GABRB1: variants seen among roughly 807,000 people sequenced by gnomAD.
GABRB1 encodes gamma-aminobutyric acid receptor subunit beta-1.
Under a neutral mutation model 51.6 loss-of-function variants are expected in GABRB1, and 17 were observed. The ratio of observed to expected loss-of-function variants is 0.33; its 90% CI spans 0.23 to 0.49. The LOEUF (loss-of-function observed/expected upper bound fraction) is 0.49. Ranked by LOEUF, GABRB1 falls within the 20% of genes least tolerant of loss-of-function variation. The probability of loss-of-function intolerance (pLI) is 0.99; values close to 1 mark genes in which losing one functional copy is unlikely to be tolerated. For missense variants in GABRB1, 410 were observed against 600.6 expected, an observed-to-expected ratio of 0.68 and a Z score of 3.32; for synonymous variants, 247 against 218.9, an observed-to-expected ratio of 1.13 and a Z score of -1.14.
intron 4 of GABRB1, among the ~76,000 whole-genome samples, chr4:47,300,143 T>C (rs778983185): frequency 6.7e-6 from 1 of 149,774 alleles, no homozygotes; most frequent in African/African-American, 2.4e-5. Flanking sequence ...TAAGGCTAAA[T>C]GACAAGTTAA....
intron 4 of GABRB1, among the ~76,000 whole-genome samples, chr4:47,317,561 A>T (rs1329817613): frequency 2.0e-5 from 3 of 151,984 alleles, no homozygotes; most frequent in Non-Finnish European, 4.4e-5. Flanking sequence ...AGTGTTTTGT[A>T]AAACATTTTG....
intron 3 of GABRB1, among the ~76,000 whole-genome samples, chr4:47,113,910 A>T (rs1561777): frequency 0.89 from 135,883 of 152,190 alleles, 60,759 homozygotes; most frequent in South Asian, 0.93. Flanking sequence ...TAGAGTGTCC[A>T]GATACCACCT....
chr4:47,187,541 A>G (rs1220341853), intron 4 of GABRB1, among the ~76,000 whole-genome samples: 1 of 151,862 alleles, frequency 6.6e-6, no homozygotes, highest in Non-Finnish European at 1.5e-5. Flanking sequence ...GCACCTTCAC[A>G]TTTCACAAAC....
At chr4:47,343,906 C>T (rs545546740) in intron 5 of GABRB1, among the ~76,000 whole-genome samples, 1 of 152,314 alleles carries the variant, frequency 6.6e-6, no homozygotes, top group South Asian at 2.1e-4. Flanking sequence ...CAGAGTTACA[C>T]ATCTAGTTAA....
intron 4 of GABRB1, among the ~76,000 whole-genome samples, chr4:47,165,216 G>A (rs1718127389): frequency 6.6e-6 from 1 of 151,988 alleles, no homozygotes; most frequent in Non-Finnish European, 1.5e-5. Context: ...ACTTGGAGGA[G>A]GATTTTTCTC....
At chr4:47,407,925 C>T (rs989401565) in intron 8 of GABRB1, among the ~76,000 whole-genome samples, 4 of 152,096 alleles carry the variant, frequency 2.6e-5, no homozygotes, top group Non-Finnish European at 5.9e-5. Flanking sequence ...AACCTCATCT[C>T]TACAAAAAAT....
chr4:47,277,236 A>T (rs568449980), intron 4 of GABRB1, among the ~76,000 whole-genome samples: 1 of 152,246 alleles, frequency 6.6e-6, no homozygotes, highest in Admixed American at 6.5e-5. Context: ...GGAGATTATT[A>T]TGTTAAGTTA....
rs377492047 is a variant in GABRB1 at position 47,425,780 on chromosome 4, C to T, written c.1187C>T (p.Ser396Phe). ...AGCGACCCCAAGGCCACCATGTACTCCTATGACAGCGCCAGCATCCAGTAC... is the reference window on the plus strand; with the variant it reads ...AGCGACCCCAAGGCCACCATGTACTTCTATGACAGCGCCAGCATCCAGTAC... ...SVSDPKATMY[S>F]YDSASIQYRK... Residue 396 changes from serine to phenylalanine, a missense_variant, in exon 9 of 9, where the codon TCC (serine) becomes TTC (phenylalanine). This residue lies in a region of GABRB1 where 181 missense variants were observed against 195.6 expected (regional missense o/e 0.93). Transcript: ENST00000295454. 42 of 1,614,090 alleles carry T rather than the reference C, an allele frequency of 2.6e-5. No homozygotes were observed. Among genetic ancestry groups the T allele is most frequent in the Non-Finnish European group, 3.6e-5 (42 of 1,180,036 alleles).
intron 3 of GABRB1, among the ~76,000 whole-genome samples, chr4:47,051,352 A>G (rs1726341242): frequency 6.6e-6 from 1 of 152,214 alleles, no homozygotes; most frequent in Non-Finnish European, 1.5e-5. Context: ...AGCAGAATAG[A>G]AAATAGAGAA....
At chr4:47,119,893 C>T (rs560696011) in intron 3 of GABRB1, among the ~76,000 whole-genome samples, 4 of 151,058 alleles carry the variant, frequency 2.6e-5, no homozygotes, top group Non-Finnish European at 5.9e-5. Context: ...TTTTAAAAGG[C>T]TGTTTCAAAA....
chr4:47,239,465 T>C (rs1560292112), intron 4 of GABRB1, among the ~76,000 whole-genome samples: 3 of 152,216 alleles, frequency 2.0e-5, no homozygotes, highest in Non-Finnish European at 2.9e-5. Flanking sequence ...TAGTGGATAC[T>C]GGCATGTTGT....
At chr4:47,164,726 A>G (rs1469665761) in intron 4 of GABRB1, among the ~76,000 whole-genome samples, 1 of 152,138 alleles carries the variant, frequency 6.6e-6, no homozygotes, top group Non-Finnish European at 1.5e-5. Context: ...CCAGAAGAAT[A>G]GAGTCAGTTG....
intron 3 of GABRB1, among the ~76,000 whole-genome samples, chr4:47,133,625 A>C (rs1227639702): frequency 6.6e-6 from 1 of 152,184 alleles, no homozygotes; most frequent in Non-Finnish European, 1.5e-5. Context: ...TTTTTAAGAG[A>C]CAGGCAAGCT....
chr4:47,327,063 T>C (rs979633066), intron 5 of GABRB1, among the ~76,000 whole-genome samples: 1 of 152,236 alleles, frequency 6.6e-6, no homozygotes, highest in Non-Finnish European at 1.5e-5. Context: ...ACTTTTAGAA[T>C]ATAAGTCTAG....
intron 4 of GABRB1, among the ~76,000 whole-genome samples, chr4:47,236,428 C>T (rs888495127): frequency 1.2e-4 from 18 of 152,028 alleles, no homozygotes; most frequent in Non-Finnish European, 2.6e-4. Context: ...CAACATGCTT[C>T]TTATGTATCT....
chr4:47,248,043 G>A (rs1371083205), intron 4 of GABRB1, among the ~76,000 whole-genome samples: 1 of 151,892 alleles, frequency 6.6e-6, no homozygotes, highest in African/African-American at 2.4e-5. Flanking sequence ...GACTTCCAGT[G>A]CTGTGTTAAA....
intron 4 of GABRB1, among the ~76,000 whole-genome samples, chr4:47,168,026 G>A (rs1718270925): frequency 6.6e-6 from 1 of 152,166 alleles, no homozygotes; most frequent in Non-Finnish European, 1.5e-5. Context: ...TTGTGTTGTT[G>A]AGTGTGTATG....
intron 5 of GABRB1, among the ~76,000 whole-genome samples, chr4:47,348,257 A>G (rs1424036383): frequency 6.6e-6 from 1 of 152,144 alleles, no homozygotes; most frequent in African/African-American, 2.4e-5. Context: ...TATTAATGGT[A>G]CACCATTTTC....
intron 3 of GABRB1, among the ~76,000 whole-genome samples, chr4:47,073,879 G>A (rs1727443563): frequency 6.6e-6 from 1 of 152,100 alleles, no homozygotes; most frequent in African/African-American, 2.4e-5. Flanking sequence ...TGAGCAAGCA[G>A]CCAAAATACA....
Sources: allele counts gnomAD v4.1 joint callset (sites outside exome capture counted in the v4.1 genomes callset), GRCh38; gene constraint gnomAD v4.1.1; regional missense constraint gnomAD v4.1.1; transcripts MANE v1.5; gene names NCBI Gene and HGNC (gene_info 2026-07-23, HGNC 2026-07-21).